The following ARSL variants were observed in gnomAD, a reference collection of about 807,000 sequenced individuals.
ARSL encodes arylsulfatase E (chondrodysplasia punctata 1).
ARSL carries 4 observed loss-of-function variants against 31.1 expected under a neutral mutation model. The observed-to-expected ratio is 0.13, with a 90% CI of 0.06 to 0.29. ARSL has a LOEUF of 0.29. ARSL is among the 10% of genes least tolerant of loss of function. The probability of loss-of-function intolerance (pLI) is 1.00; values close to 1 mark genes in which losing one functional copy is unlikely to be tolerated. For missense variants in ARSL, 312 were observed against 497.8 expected (o/e 0.63, Z 3.55); for synonymous variants, 198 against 209.9 (o/e 0.94, Z 0.49).
intron 7 of ARSL, among the ~76,000 whole-genome samples, chrX:2,943,961 T>G (rs1399652354): frequency 9.2e-6 from 1 of 108,175 alleles, no homozygotes; most frequent in Non-Finnish European, 1.9e-5. Flanking sequence ...GGGAGGCTCT[T>G]TGAGCCTATG....
intron 2 of ARSL, among the ~76,000 whole-genome samples, 192 bp downstream of exon 2, chrX:2,960,186 G>A (rs1444307848): frequency 1.3e-5 from 1 of 78,975 alleles, no homozygotes; most frequent in Non-Finnish European, 2.6e-5. Flanking sequence ...GGAGAATGGT[G>A]TGAACCCGGG....
intron 1 of ARSL, among the ~76,000 whole-genome samples, chrX:2,963,505 C>A (rs980719086): frequency 3.0e-5 from 3 of 100,081 alleles, no homozygotes; most frequent in Non-Finnish European, 6.1e-5. Context: ...AGGAAAAGTG[C>A]TCTTTTTCTA....
At chrX:2,954,696 T>C (rs1188035404) in intron 4 of ARSL, among the ~76,000 whole-genome samples, 1 of 111,702 alleles carries the variant, frequency 9.0e-6, no homozygotes, top group African/African-American at 3.3e-5. Context: ...TGACTGTCAT[T>C]GGAGAGATAG....
intron 8 of ARSL, among the ~76,000 whole-genome samples, chrX:2,940,664 G>A (rs2089268170): frequency 9.1e-6 from 1 of 109,316 alleles, no homozygotes; most frequent in Admixed American, 9.8e-5. Context: ...CACATGTGGT[G>A]GCTCATGCCT....
At chrX:2,942,670 TAGA>T (rs935786962) in intron 8 of ARSL, among the ~76,000 whole-genome samples, 3 of 111,855 alleles carry the variant, frequency 2.7e-5, no homozygotes, top group Admixed American at 9.5e-5. Flanking sequence ...AGTTACAGAT[TAGA>T]AGAAGTTCAT....
intron 6 of ARSL, 101 bp downstream of exon 6, chrX:2,949,203 T>A: frequency 9.5e-7 from 1 of 1,054,071 alleles, no homozygotes; most frequent in South Asian, 2.0e-5. Flanking sequence ...AGCACTGGGA[T>A]TACAGGAATG....
intron 9 of ARSL, 58 bp from the exon 10 acceptor site, chrX:2,936,921 C>T: frequency 3.2e-5 from 38 of 1,197,711 alleles, no homozygotes; most frequent in Non-Finnish European, 4.2e-5. Flanking sequence ...GACATTTGTC[C>T]CTCCAGCATC....
rs766142853 is a variant in ARSL, at chrX:2,958,447, T to G, written c.24-12A>C. 6 of 1,210,096 alleles carry G rather than the reference T, an allele frequency of 5.0e-6. No homozygotes were observed. Among genetic ancestry groups the G allele is most frequent in the Non-Finnish European group, 5.6e-6 (5 of 895,172 alleles). On this transcript the variant is annotated splice_polypyrimidine_tract_variant and intron_variant, in intron 2 of 10. Coordinates refer to ENST00000381134, the MANE Select transcript of ARSL (RefSeq NM_000047.3). Reference sequence around the variant, plus strand: ...TCCTGAAACACAAACTGTCAGAGACTGCGTCATGCTCCTGTCCATCTCATT... The same window carrying G: ...TCCTGAAACACAAACTGTCAGAGACGGCGTCATGCTCCTGTCCATCTCATT...
At chrX:2,964,107 C>T in intron 1 of ARSL, 117 bp downstream of exon 1, 1 of 724,946 alleles carries the variant, frequency 1.4e-6, no homozygotes, top group Non-Finnish European at 1.6e-6. Flanking sequence ...TTTATCAAAA[C>T]AAACTGGGCA....
At chrX:2,947,795 T>G (rs2089405182) in intron 6 of ARSL, among the ~76,000 whole-genome samples, 1 of 112,560 alleles carries the variant, frequency 8.9e-6, no homozygotes. Context: ...ATTGTCAATG[T>G]CCTTTCTGTC....
chrX:2,939,864 C>CTTT (rs35373572), intron 8 of ARSL, among the ~76,000 whole-genome samples: 12 of 55,416 alleles, frequency 2.2e-4, no homozygotes, highest in Non-Finnish European at 3.2e-4. Context: ...ACCCTTCTAC[C>CTTT]TTTTTTTTTT....
At chrX:2,950,043 A>G (rs1490450704) in intron 5 of ARSL, among the ~76,000 whole-genome samples, 4 of 111,907 alleles carry the variant, frequency 3.6e-5, no homozygotes, top group African/African-American at 6.5e-5. Flanking sequence ...GTCTGAGATC[A>G]AAGTGTCTCC....
intron 8 of ARSL, among the ~76,000 whole-genome samples, chrX:2,940,499 C>G (rs1160800890): frequency 9.0e-6 from 1 of 111,284 alleles, no homozygotes; most frequent in Non-Finnish European, 1.9e-5. Flanking sequence ...AAGACCCTAT[C>G]TTTACAAAAG....
intron 10 of ARSL, 114 bp from the exon 11 acceptor site, chrX:2,935,304 T>C: frequency 1.5e-6 from 1 of 671,229 alleles, no homozygotes; most frequent in Non-Finnish European, 2.4e-6. Flanking sequence ...CATCGATGGA[T>C]GGACAGATAA....
At chrX:2,959,569 A>G (rs773431227) in intron 2 of ARSL, 82 of 1,128,232 alleles carry the variant, frequency 7.3e-5, no homozygotes, top group Non-Finnish European at 9.3e-5. Context: ...CTGGAAAACC[A>G]GACACCTGGC....
chrX:2,956,734 G>T lies in ARSL; in HGVS notation c.186-1197C>A, dbSNP rs189149598. Among the ~76,000 whole-genome samples, 11 of 108,638 alleles carry T rather than the reference G, an allele frequency of 1.0e-4. No individual in the cohort carries two copies. In the East Asian group the frequency reaches 3.3e-3, roughly 33 times the overall value. The allele number at this position is 108,638 out of a possible 115,157, so 94.3% of individuals were successfully genotyped here. A position where few individuals can be genotyped will look rare whatever the true frequency, so the allele number is the denominator to read the frequency against. On this transcript the variant is annotated intron_variant, in intron 3 of 10. Coordinates refer to ENST00000381134, the MANE Select transcript of ARSL (RefSeq NM_000047.3). ...CTGCCTTGGCCTCCCAAAGTGCTGG[G>T]ATTACAGGCGTGAGCCACCACGGCC...
chrX:2,942,189 G>T (rs1442457709), intron 8 of ARSL, among the ~76,000 whole-genome samples: 1 of 112,041 alleles, frequency 8.9e-6, no homozygotes, highest in Non-Finnish European at 1.9e-5. Context: ...TTTTATTAGA[G>T]GTCTGAAACA....
In ARSL at chrX:2,964,183, G is replaced by A. The variant is rs751708548; in HGVS notation, c.-21+41C>T. The A allele has an allele frequency of 1.3e-5, 10 of 752,258 alleles. No individual in the cohort carries two copies. The South Asian group carries it at 2.7e-4, about 21-fold the overall frequency. The allele number at this position is 752,258 out of a possible 1,213,427, so 62.0% of individuals were successfully genotyped here. ...CACCACGCTATTCATGCCTGGTCAC[G>A]GAGCCCAAATCCAGCACAAATGAAC... On this transcript the variant is annotated intron_variant, in intron 1 of 10. Coordinates refer to ENST00000381134, the MANE Select transcript of ARSL (RefSeq NM_000047.3).
At chrX:2,938,380 T>TC (rs2089233913) in intron 8 of ARSL, 123 bp from the exon 9 acceptor site, 8 of 746,268 alleles carry the variant, frequency 1.1e-5, no homozygotes, top group Admixed American at 3.0e-5. Context: ...GTCTCTCAAT[T>TC]TCTCTCTCTC....
Sources: gnomAD v4.1 joint callset for allele counts (sites outside exome capture counted in the v4.1 genomes callset) on GRCh38, gnomAD v4.1.1 for gene constraint, MANE v1.5 for transcripts, NCBI Gene and HGNC (gene_info 2026-07-23, HGNC 2026-07-21) for gene names.